Variants in STARD13 observed in about 807,000 individuals in gnomAD.
STARD13 encodes stAR-related lipid transfer protein 13.
Under a neutral mutation model 106.4 loss-of-function variants are expected in STARD13, and 62 were observed. The ratio of observed to expected loss-of-function variants is 0.58; its 90% CI spans 0.48 to 0.72. STARD13 has a LOEUF of 0.72. STARD13 is among the 30% of genes least tolerant of loss of function. STARD13 has a pLI of 0.00. For synonymous variants in STARD13, 565 were observed against 553.0 expected (o/e 1.02, Z -0.31); for missense variants, 1,387 against 1,424.0 (o/e 0.97, Z 0.42).
At chr13:33,628,028 G>A in the STARD13 span, among the ~76,000 whole-genome samples, 3,796 of 148,920 alleles carry the variant, frequency 0.025, 140 homozygotes, top group African/African-American at 0.09. Context: ...GCAGTGGCAC[G>A]ATCTCGACTC....
At chr13:33,342,411 T>C (rs1025445756) in intron 1 of STARD13, among the ~76,000 whole-genome samples, 2 of 152,254 alleles carry the variant, frequency 1.3e-5, no homozygotes, top group Admixed American at 1.3e-4. Flanking sequence ...TTTTTCTTTT[T>C]TGTGCATATG....
rs746590460 is a variant in STARD13 at position 33,128,940 on chromosome 13, G to A, written c.1737C>T (p.Thr579=). ...RRDSGVGASL[T]RPNRRLRWNS... is the part of the protein sequence containing the mutation. ...TGCATGCCACCTACCTGTTTGGCCT[G>A]GTCAGAGAGGCCCCTACACCAGAAT... The change falls in exon 5 of 14, where the codon ACC becomes ACT. Residue 579 remains threonine (T), a synonymous_variant. Transcript: ENST00000336934. 1.2e-6 allele frequency: 2 copies of A among 1,611,376 alleles called. No individual in the cohort carries two copies. Among genetic ancestry groups the A allele is most frequent in the East Asian group, 4.5e-5 (2 of 44,858 alleles).
At chr13:33,109,755 G>T in intron 12 of STARD13, 118 bp downstream of exon 12, 1 of 893,688 alleles carries the variant, frequency 1.1e-6, no homozygotes, top group Non-Finnish European at 1.8e-6. Context: ...ACAAGAGCCG[G>T]CTTAGTGTTC....
chr13:33,501,518 G>A, the STARD13 span, among the ~76,000 whole-genome samples: 3 of 152,128 alleles, frequency 2.0e-5, no homozygotes, highest in Admixed American at 6.6e-5. Flanking sequence ...ATGGTTTCAG[G>A]TCTAACATTT....
the STARD13 span, among the ~76,000 whole-genome samples, chr13:33,643,900 A>C: frequency 6.6e-6 from 1 of 152,224 alleles, no homozygotes; most frequent in Non-Finnish European, 1.5e-5. Context: ...AGATGGGCTA[A>C]GATTCAAAAC....
chr13:33,226,904 G>A (rs1888654066), intron 1 of STARD13, among the ~76,000 whole-genome samples: 2 of 152,022 alleles, frequency 1.3e-5, no homozygotes, highest in Admixed American at 6.5e-5. Flanking sequence ...CTTCTTAACT[G>A]TTTTTAAAGA....
chr13:33,633,525 A>G, the STARD13 span, among the ~76,000 whole-genome samples: 3 of 152,338 alleles, frequency 2.0e-5, no homozygotes, highest in African/African-American at 7.2e-5. Context: ...TCCTTCACAG[A>G]TTGCATCTGC....
At chr13:33,663,660 G>C in the STARD13 span, among the ~76,000 whole-genome samples, 2 of 152,216 alleles carry the variant, frequency 1.3e-5, no homozygotes, top group East Asian at 3.9e-4. Flanking sequence ...GACTATAAGG[G>C]AATTTTACTT....
At chr13:33,134,439 C>T (rs1442116282) in intron 4 of STARD13, among the ~76,000 whole-genome samples, 1 of 152,168 alleles carries the variant, frequency 6.6e-6, no homozygotes, top group Non-Finnish European at 1.5e-5. Context: ...AGTAACTCCT[C>T]TAAAGCGTGT....
intron 7 of STARD13, among the ~76,000 whole-genome samples, chr13:33,125,615 G>A (rs1877036113): frequency 1.3e-5 from 2 of 151,348 alleles, no homozygotes; most frequent in South Asian, 4.2e-4. Flanking sequence ...ATAAATCTGT[G>A]TTTGGTTTAA....
At chr13:33,540,738 G>C in the STARD13 span, among the ~76,000 whole-genome samples, 1 of 152,178 alleles carries the variant, frequency 6.6e-6, no homozygotes, top group East Asian at 1.9e-4. Flanking sequence ...TTTCAATAAA[G>C]TGTGAGGCAA....
At chr13:33,242,469 G>A (rs1322403373) in intron 1 of STARD13, among the ~76,000 whole-genome samples, 10 of 152,176 alleles carry the variant, frequency 6.6e-5, no homozygotes, top group Non-Finnish European at 7.3e-5. Flanking sequence ...CGTGCTCTCC[G>A]AAACATGTGC....
the STARD13 span, among the ~76,000 whole-genome samples, chr13:33,466,652 A>G: frequency 6.6e-6 from 1 of 152,358 alleles, no homozygotes; most frequent in African/African-American, 2.4e-5. Flanking sequence ...ACTGAACTTT[A>G]ATGTATTTGT....
chr13:33,124,185 C>T (rs1352447403), intron 7 of STARD13, among the ~76,000 whole-genome samples: 1 of 152,128 alleles, frequency 6.6e-6, no homozygotes, highest in East Asian at 1.9e-4. Flanking sequence ...CTTTTCCTTC[C>T]TATTACCACC....
chr13:33,515,975 A>G, the STARD13 span, among the ~76,000 whole-genome samples: 1 of 151,956 alleles, frequency 6.6e-6, no homozygotes, highest in Non-Finnish European at 1.5e-5. Context: ...GCTTATCTCC[A>G]CAGTATATAT....
intron 1 of STARD13, among the ~76,000 whole-genome samples, chr13:33,269,461 TCAGA>T (rs1448808767): frequency 6.6e-6 from 1 of 151,980 alleles, no homozygotes. Flanking sequence ...CTCTTCAGAG[TCAGA>T]CAGCCCGCTA....
chr13:33,475,691 G>GT, the STARD13 span, among the ~76,000 whole-genome samples: 1 of 152,100 alleles, frequency 6.6e-6, no homozygotes, highest in Non-Finnish European at 1.5e-5. Flanking sequence ...AGGTGTGGTG[G>GT]TCACGCCTGT....
intron 1 of STARD13, among the ~76,000 whole-genome samples, chr13:33,229,257 C>T (rs1321927951): frequency 6.6e-6 from 1 of 152,152 alleles, no homozygotes; most frequent in East Asian, 1.9e-4. Flanking sequence ...ATAGCGACTC[C>T]ATGGAAGTAA....
chr13:33,480,380 G>C, the STARD13 span, among the ~76,000 whole-genome samples: 1 of 152,146 alleles, frequency 6.6e-6, no homozygotes, highest in African/African-American at 2.4e-5. Flanking sequence ...TATCCACTTG[G>C]TGATATAACC....
Sources: allele counts gnomAD v4.1 joint callset (sites outside exome capture counted in the v4.1 genomes callset), GRCh38; gene constraint gnomAD v4.1.1; transcripts MANE v1.5; gene names NCBI Gene and HGNC (gene_info 2026-07-23, HGNC 2026-07-21).